The following TMCC2 variants were observed in gnomAD, a reference collection of about 807,000 sequenced individuals.
TMCC2 encodes the protein transmembrane and coiled-coil domain family 2.
TMCC2 carries 16 observed loss-of-function variants against 49.4 expected under a neutral mutation model. The ratio of observed to expected loss-of-function variants is 0.32; its 90% CI spans 0.22 to 0.49. The LOEUF is 0.49. Among genes scored for constraint, TMCC2 ranks in the 20% least tolerant of loss-of-function variants. The pLI is 0.99. For synonymous variants in TMCC2, 397 were observed against 434.1 expected, an observed-to-expected ratio of 0.91 and a Z score of 1.06; for missense variants, 762 against 989.8, an observed-to-expected ratio of 0.77 and a Z score of 3.09.
At chr1:205,271,742 G>A in intron 4 of TMCC2, 71 bp from the exon 5 acceptor site, 4 of 1,546,930 alleles carry the variant, frequency 2.6e-6, no homozygotes, top group Middle Eastern at 2.3e-4. Context: ...TCTCAGTGGG[G>A]TAGGTAGGTT....
At chr1:205,232,762 C>G (rs113093421) in intron 1 of TMCC2, among the ~76,000 whole-genome samples, 3,492 of 151,852 alleles carry the variant, frequency 0.023, 106 homozygotes, top group African/African-American at 0.07. Flanking sequence ...TGGTAAAATC[C>G]TGTCTCTACT....
Position 205,271,180 on chromosome 1 carries a change from G to A in TMCC2, c.1743G>A (p.Thr581=), listed in dbSNP as rs765318579. 6.8e-6 allele frequency: 11 copies of A among 1,613,930 alleles called. No individual in the cohort carries two copies. In the African/African-American group the frequency reaches 9.3e-5, roughly 14 times the overall value. ...CTGAGCTTCATCAGAACGAGATGAC[G>A]AACCTGAAGCAGGAGCTGGCCAGCA... is the stretch of plus-strand genomic sequence containing the variant. ...DLTELHQNEM[T]NLKQELASME... Residue 581 remains threonine, a synonymous_variant, in exon 4 of 5, where the codon ACG becomes ACA. Coordinates refer to ENST00000358024, the MANE Select transcript of TMCC2 (RefSeq NM_014858.4).
In TMCC2 at chr1:205,228,658, G is replaced by T. The variant is rs1483237654; in HGVS notation, c.94G>T (p.Asp32Tyr). 3 of 1,613,024 alleles carry T rather than the reference G, an allele frequency of 1.9e-6. No homozygotes were observed. The African/African-American group carries it at 4.0e-5, about 22-fold the overall frequency. ...TGCCGCTTCCCACCTGCCGGGCGCGGACCTCCGGCCTGGGGAGACCACGGG... is the reference window on the plus strand; with the variant it reads ...TGCCGCTTCCCACCTGCCGGGCGCGTACCTCCGGCCTGGGGAGACCACGGG... ...EDAASHLPGADLRPGETTGAN... is the reference protein window; with the variant it reads ...EDAASHLPGAYLRPGETTGAN... The change falls in exon 1 of 5, where the codon GAC becomes TAC. Residue 32 changes from aspartate (D) to tyrosine (Y), a missense_variant. Asp to Tyr is a radical substitution (Grantham distance 160). Around this residue, in one of 2 missense-constraint regions of TMCC2, gnomAD observed 322 missense variants for 353.1 expected, o/e 0.91. Coordinates refer to ENST00000358024, the MANE Select transcript of TMCC2 (RefSeq NM_014858.4).
At chr1:205,235,257 G>C (rs561448448) in intron 1 of TMCC2, among the ~76,000 whole-genome samples, 1 of 151,700 alleles carries the variant, frequency 6.6e-6, no homozygotes, top group East Asian at 1.9e-4. Context: ...ACTGGTGACC[G>C]ATGGGAAAGC....
chr1:205,232,845 G>A (rs769193785), intron 1 of TMCC2, among the ~76,000 whole-genome samples: 1 of 151,078 alleles, frequency 6.6e-6, no homozygotes, highest in Non-Finnish European at 1.5e-5. Context: ...TGAGGTGGGA[G>A]GATCGCCTGA....
Position 205,241,492 on chromosome 1 carries a change from T to C in TMCC2, c.208-13T>C. On this transcript the variant is annotated splice_polypyrimidine_tract_variant and intron_variant, in intron 1 of 4. Coordinates refer to ENST00000358024, the MANE Select transcript of TMCC2 (RefSeq NM_014858.4). The surrounding 1 kb of genome is among the most constrained non-coding windows in gnomAD (Gnocchi z 7.3). ...TTTCCACTCACCAGGGTTCTTCATC[T>C]CTCCCCCTTAAGAAAATCCAGCAGC... The C allele has an allele frequency of 6.2e-7, 1 of 1,612,076 alleles. No individual in the cohort carries two copies. The highest frequency in any genetic ancestry group is 8.5e-7 in the Non-Finnish European group (1 of 1,179,346).
chr1:205,246,567 G>C, intron 2 of TMCC2: 1 of 1,548,394 alleles, frequency 6.5e-7, no homozygotes, highest in Non-Finnish European at 8.7e-7. Flanking sequence ...GCACGCGTTG[G>C]CTAAAAGGGT....
chr1:205,243,432 G>A (rs1033529800), intron 2 of TMCC2, among the ~76,000 whole-genome samples: 15 of 152,200 alleles, frequency 9.9e-5, no homozygotes, highest in African/African-American at 3.4e-4. Flanking sequence ...TGGGAAGGGA[G>A]TGCAGGACGG....
chr1:205,250,405 G>A (rs1660621453), intron 2 of TMCC2, among the ~76,000 whole-genome samples: 1 of 152,196 alleles, frequency 6.6e-6, no homozygotes. Context: ...GCCGGGCGTG[G>A]TGGTGGGCGT....
chr1:205,242,944 A>G (rs193262383), intron 2 of TMCC2, among the ~76,000 whole-genome samples: 8 of 152,334 alleles, frequency 5.3e-5, no homozygotes, highest in Non-Finnish European at 7.4e-5. Context: ...TTATGGCCAG[A>G]GCATCTAGCA....
At position 205,272,490 on chromosome 1, in the gene TMCC2, C is replaced by G. The variant is rs1309715556; in HGVS notation, c.*366C>G. 1 of 241,116 alleles carries G rather than the reference C, an allele frequency of 4.1e-6. No individual in the cohort carries two copies. The highest frequency in any genetic ancestry group is 8.0e-6 in the Non-Finnish European group (1 of 124,322). 14.9% of individuals were successfully genotyped at this position (241,116 alleles called of 1,614,324 possible). A position where few individuals can be genotyped will look rare whatever the true frequency, so the allele number is the denominator to read the frequency against. On this transcript the variant is annotated 3_prime_UTR_variant, in exon 5 of 5. Coordinates refer to ENST00000358024, the MANE Select transcript of TMCC2 (RefSeq NM_014858.4). ...ATAGGAGGAGAGGGCTCTGCCTCAA[C>G]TTTCCTAGGAAAGAGCCCACCTCGG...
chr1:205,255,873 A>G (rs1053228448), intron 2 of TMCC2, among the ~76,000 whole-genome samples: 2 of 152,212 alleles, frequency 1.3e-5, no homozygotes, highest in Non-Finnish European at 2.9e-5. Context: ...GAGGGGGATC[A>G]TTTGCAGAAG....
chr1:205,262,935 A>T (rs1329039158), intron 2 of TMCC2, among the ~76,000 whole-genome samples: 1 of 152,026 alleles, frequency 6.6e-6, no homozygotes, highest in Non-Finnish European at 1.5e-5. Context: ...TCCGTAGTAA[A>T]AGTCTCTGGT....
chr1:205,230,343 T>C (rs755804091), intron 1 of TMCC2, among the ~76,000 whole-genome samples: 3 of 152,194 alleles, frequency 2.0e-5, no homozygotes, highest in Non-Finnish European at 4.4e-5. Context: ...GCTAGACTTA[T>C]GTCTAGAGGA....
At chr1:205,270,440 G>A (rs1661541405) in intron 3 of TMCC2, among the ~76,000 whole-genome samples, 3 of 152,120 alleles carry the variant, frequency 2.0e-5, no homozygotes. Flanking sequence ...GACATCTCTC[G>A]GCCTCTCCTT....
intron 2 of TMCC2, among the ~76,000 whole-genome samples, chr1:205,249,593 T>G (rs1294630957): frequency 6.6e-6 from 1 of 152,224 alleles, no homozygotes; most frequent in Non-Finnish European, 1.5e-5. Flanking sequence ...CGGGCCACTC[T>G]GCCTGTTCAC....
intron 3 of TMCC2, 63 bp from the exon 4 acceptor site, chr1:205,271,057 A>G: frequency 6.3e-7 from 1 of 1,592,284 alleles, no homozygotes; most frequent in Non-Finnish European, 8.6e-7. Flanking sequence ...GAATGAATCA[A>G]CTGTGGGAGA....
At chr1:205,255,328 G>A (rs577096020) in intron 2 of TMCC2, among the ~76,000 whole-genome samples, 4 of 152,258 alleles carry the variant, frequency 2.6e-5, no homozygotes, top group South Asian at 4.1e-4. Flanking sequence ...GCTGAGGCGG[G>A]TGGATCACGA....
chr1:205,229,831 G>C (rs184361263), intron 1 of TMCC2: 48 of 985,386 alleles, frequency 4.9e-5, no homozygotes, highest in African/African-American at 1.7e-4. Flanking sequence ...GAGCTGTCTT[G>C]AATATATCTC....
Sources: gnomAD v4.1 joint callset for allele counts (sites outside exome capture counted in the v4.1 genomes callset) on GRCh38, gnomAD v4.1.1 for gene constraint, gnomAD v4.1.1 regional missense constraint, Gnocchi (gnomAD v3.1) non-coding constraint, MANE v1.5 for transcripts, NCBI Gene and HGNC (gene_info 2026-07-23, HGNC 2026-07-21) for gene names.